Variants in DNPH1 observed in about 807,000 individuals in gnomAD.
DNPH1 encodes the protein 2'-deoxynucleoside 5'-phosphate N-hydrolase 1.
In DNPH1, 18 loss-of-function variants were observed where a neutral mutation model predicts 15.7. The ratio of observed to expected loss-of-function variants is 1.15; its 90% CI spans 0.79 to 1.70. DNPH1 has a LOEUF of 1.70. Among genes scored for constraint, DNPH1 ranks in the 40% most tolerant of loss-of-function variants. The pLI is 0.00. For synonymous variants in DNPH1, 114 were observed against 107.9 expected (o/e 1.06, Z -0.35); for missense variants, 262 against 255.2 (o/e 1.03, Z -0.18).
Position 43,226,491 on chromosome 6 carries a change from G to GTA in DNPH1, c.197-97_197-96insTA. On this transcript the variant is annotated intron_variant, in intron 1 of 3. Transcript: ENST00000230431. This position sits in a 1 kb window ranked among gnomAD's most constrained non-coding sequence, Gnocchi z 4.1. ...TCCATACCCACCCTGCTCAGGGAGG[G>GTA]TGGGAGCCTTGTGCCAGATGACCTG... 4 of 1,157,876 alleles carry GTA rather than the reference G, an allele frequency of 3.5e-6. No individual in the cohort carries two copies. The highest frequency in any genetic ancestry group is 4.8e-6 in the Non-Finnish European group (4 of 835,550). The allele number at this position is 1,157,876 out of a possible 1,614,324, so 71.7% of individuals were successfully genotyped here.
intron 1 of DNPH1, among the ~76,000 whole-genome samples, chr6:43,228,856 T>C (rs531197893): frequency 4.0e-5 from 6 of 151,462 alleles, no homozygotes; most frequent in Non-Finnish European, 8.8e-5. Flanking sequence ...CAAAAAAAGT[T>C]GGTGGGGAGG....
Position 43,229,391 on chromosome 6 carries a change from G to A in DNPH1, c.66C>T (p.Ala22=). ...SWERGEPGRP[A]LYFCGSIRGG... ...CGCGAATGCTCCCGCAGAAGTACAG[G>A]GCCGGGCGGCCAGGCTCCCCGCGCT... The change falls in exon 1 of 4, where the codon GCC becomes GCT. Residue 22 remains alanine, a synonymous_variant. Transcript: ENST00000230431. 2.8e-6 allele frequency: 4 copies of A among 1,454,254 alleles called. No individual in the cohort carries two copies. The highest frequency in any genetic ancestry group is 3.6e-6 in the Non-Finnish European group (4 of 1,101,780). 90.1% of individuals were successfully genotyped at this position (1,454,254 alleles called of 1,614,324 possible). A position where few individuals can be genotyped will look rare whatever the true frequency, so the allele number is the denominator to read the frequency against.
rs758848912 is a variant in DNPH1 at position 43,226,328 on chromosome 6, G to C, written c.264C>G (p.Asp88Glu). Residue 88 changes from aspartate to glutamate, a missense_variant and splice_region_variant, in exon 2 of 4, where the codon GAC becomes GAG. Coordinates refer to ENST00000230431, the MANE Select transcript of DNPH1 (RefSeq NM_006443.3). The surrounding 1 kb of genome is among the most constrained non-coding windows in gnomAD (Gnocchi z 4.1). ...EQDLEWLQQA[D>E]VVVAEVTQPS... Reference sequence around the variant, plus strand: ...CTGGAAGGAGGGAGCGCCACTCACCGTCCGCCTGCTGCAGCCACTCCAGGT... The same window carrying C: ...CTGGAAGGAGGGAGCGCCACTCACCCTCCGCCTGCTGCAGCCACTCCAGGT... 1.2e-6 allele frequency: 2 copies of C among 1,612,152 alleles called. No individual in the cohort carries two copies. Among genetic ancestry groups the C allele is most frequent in the Non-Finnish European group, 1.7e-6 (2 of 1,179,780 alleles).
chr6:43,229,414 G>T lies in DNPH1; in HGVS notation c.43C>A (p.Arg15Ser). ...AGGGCCGGGCGGCCAGGCTCCCCGCGCTCCCAGCTCTCGCTGCGCCCCGGC... is the reference window on the plus strand; with the variant it reads ...AGGGCCGGGCGGCCAGGCTCCCCGCTCTCCCAGCTCTCGCTGCGCCCCGGC... ...MVPGRSESWE[R>S]GEPGRPALYF... The change falls in exon 1 of 4, where the codon CGC becomes AGC. Residue 15 changes from arginine to serine, a missense_variant. Arg to Ser is a moderately radical substitution (Grantham distance 110, BLOSUM62 -1). Coordinates refer to ENST00000230431, the MANE Select transcript of DNPH1 (RefSeq NM_006443.3). 1 of 1,418,302 alleles carries T rather than the reference G, an allele frequency of 7.1e-7. No homozygotes were observed. Among genetic ancestry groups the T allele is most frequent in the Admixed American group, 2.6e-5 (1 of 37,944 alleles). 87.9% of individuals were successfully genotyped at this position (1,418,302 alleles called of 1,614,324 possible).
In DNPH1 at chr6:43,226,516, G is replaced by C; in HGVS notation, c.197-121C>G. 1.3e-6 allele frequency: 1 copy of C among 773,610 alleles called. No homozygotes were observed. Among genetic ancestry groups the C allele is most frequent in the Non-Finnish European group, 2.0e-6 (1 of 494,422 alleles). 47.9% of individuals were successfully genotyped at this position (773,610 alleles called of 1,614,324 possible). The stretch of plus-strand genomic sequence containing the variant: ...GTGGGAGCCTTGTGCCAGATGACCT[G>C]ACCAAACATGACAATCTCATCAAAG... On this transcript the variant is annotated intron_variant, in intron 1 of 3. Coordinates refer to ENST00000230431, the MANE Select transcript of DNPH1 (RefSeq NM_006443.3). The surrounding 1 kb of genome is among the most constrained non-coding windows in gnomAD (Gnocchi z 4.1).
At position 43,226,389 on chromosome 6, in the gene DNPH1, T is replaced by A; in HGVS notation, c.203A>T (p.Glu68Val). Reference protein sequence around the residue: ...AAAELGARGEEAAGGDRLIHE... With the variant: ...AAAELGARGEVAAGGDRLIHE... ...GATGAGCCTGTCACCCCCAGCAGCC[T>A]CTTCCCCTGTGTTGAGGGAAAGCTG... Residue 68 changes from glutamate to valine, a missense_variant, in exon 2 of 4, where the codon GAG becomes GTG. Physicochemically the swap from Glu to Val is moderately radical, Grantham distance 121. Transcript: ENST00000230431. The surrounding 1 kb of genome is among the most constrained non-coding windows in gnomAD (Gnocchi z 4.1). 6.2e-7 allele frequency: 1 copy of A among 1,612,160 alleles called. No homozygotes were observed. The highest frequency in any genetic ancestry group is 2.2e-5 in the East Asian group (1 of 44,868).
intron 1 of DNPH1, among the ~76,000 whole-genome samples, chr6:43,227,605 T>C (rs958096715): frequency 2.6e-5 from 4 of 151,840 alleles, no homozygotes; most frequent in Non-Finnish European, 5.9e-5. Flanking sequence ...ATCAGCAACT[T>C]TGTATTGTGA....
At chr6:43,228,372 A>C (rs894049425) in intron 1 of DNPH1, among the ~76,000 whole-genome samples, 2 of 151,936 alleles carry the variant, frequency 1.3e-5, no homozygotes, top group Admixed American at 6.6e-5. Context: ...GAGGATCATG[A>C]GTTTAGGAAG....
In DNPH1 at chr6:43,229,262, G is replaced by A; in HGVS notation, c.195C>T (p.Arg65=). Residue 65 remains arginine (R), a splice_region_variant and synonymous_variant, in exon 1 of 4, where the codon CGC becomes CGT. Transcript: ENST00000230431. ...CGTCCCGCGGCCCCAGGGCCTCACC[G>A]CGCGCGCCCAGCTCGGCGGCCGCCA... ...EHVAAAELGA[R]GEEAAGGDRL... is the part of the protein sequence containing the mutation. The A allele has an allele frequency of 7.0e-7, 1 of 1,418,462 alleles. No homozygotes were observed. The highest frequency in any genetic ancestry group is 9.2e-7 in the Non-Finnish European group (1 of 1,084,614). The allele number at this position is 1,418,462 out of a possible 1,614,324, so 87.9% of individuals were successfully genotyped here.
rs974792722 is a variant in DNPH1, at chr6:43,229,479, G to A, written c.-23C>T. ...CATTCCCCAGCCGCCCGCGCTCTCC[G>A]GCGCCAGGGGGCGCCAGCCCGCGGC... On this transcript the variant is annotated 5_prime_UTR_variant, in exon 1 of 4. Transcript: ENST00000230431. 9.4e-6 allele frequency: 12 copies of A among 1,281,564 alleles called. No homozygotes were observed. In the Admixed American group the frequency reaches 1.3e-4, roughly 14 times the overall value. 79.4% of individuals were successfully genotyped at this position (1,281,564 alleles called of 1,614,324 possible).
Position 43,226,032 on chromosome 6 carries a change from C to T in DNPH1, c.376+1G>A. The T allele has an allele frequency of 6.2e-7, 1 of 1,613,770 alleles. No individual in the cohort carries two copies. The highest frequency in any genetic ancestry group is 8.5e-7 in the Non-Finnish European group (1 of 1,179,878). On this transcript the variant is annotated splice_donor_variant, in intron 3 of 3. Coordinates refer to ENST00000230431, the MANE Select transcript of DNPH1 (RefSeq NM_006443.3). LOFTEE classifies it high-confidence loss of function. This position sits in a 1 kb window ranked among gnomAD's most constrained non-coding sequence, Gnocchi z 4.1. Reference sequence around the variant, plus strand: ...CCAGGAGGGAGGCTTGGGGTGCTCACCGCGGCCAGACTGCGGGCGGAACAG... The same window carrying T: ...CCAGGAGGGAGGCTTGGGGTGCTCATCGCGGCCAGACTGCGGGCGGAACAG...
Position 43,225,854 on chromosome 6 carries a change from G to A in DNPH1, c.404C>T (p.Ala135Val), listed in dbSNP as rs771482263. ...CCACACCTGGAACCGAGAGCCATCTGCTGCTCCCCGGATCATGGCCGAAAG... is the reference window on the plus strand; with the variant it reads ...CCACACCTGGAACCGAGAGCCATCTACTGCTCCCCGGATCATGGCCGAAAG... ...RVLSAMIRGAADGSRFQVWDY... is the reference protein window; with the variant it reads ...RVLSAMIRGAVDGSRFQVWDY... The change falls in exon 4 of 4, where the codon GCA (alanine) becomes GTA (valine). Residue 135 changes from alanine to valine, a missense_variant. Ala to Val is a moderately conservative substitution (Grantham distance 64). Coordinates refer to ENST00000230431, the MANE Select transcript of DNPH1 (RefSeq NM_006443.3). 1 of 1,614,172 alleles carries A rather than the reference G, an allele frequency of 6.2e-7. No homozygotes were observed. Among genetic ancestry groups the A allele is most frequent in the South Asian group, 1.1e-5 (1 of 91,086 alleles).
chr6:43,225,865 G>A lies in DNPH1; in HGVS notation c.393C>T (p.Ile131=), dbSNP rs2150668359. The change falls in exon 4 of 4, where the codon ATC becomes ATT. Residue 131 remains isoleucine (I), a synonymous_variant. Transcript: ENST00000230431. The stretch of plus-strand genomic sequence containing the variant: ...ACCGAGAGCCATCTGCTGCTCCCCG[G>A]ATCATGGCCGAAAGCACTGGAAAGG... The part of the protein sequence containing the change: ...PQSGRVLSAM[I]RGAADGSRFQ... 1 of 1,614,122 alleles carries A rather than the reference G, an allele frequency of 6.2e-7. No homozygotes were observed. Among genetic ancestry groups the A allele is most frequent in the Non-Finnish European group, 8.5e-7 (1 of 1,180,026 alleles).
intron 1 of DNPH1, among the ~76,000 whole-genome samples, chr6:43,227,636 T>A (rs188231505): frequency 2.6e-5 from 4 of 151,866 alleles, no homozygotes; most frequent in African/African-American, 7.3e-5. Flanking sequence ...TTTAAAGAGG[T>A]CTCCCAGAAT....
In DNPH1 at chr6:43,225,858, C is replaced by T. The variant is rs139361765; in HGVS notation, c.400G>A (p.Ala134Thr). ...GRVLSAMIRG[A>T]ADGSRFQVWD... ...ACCTGGAACCGAGAGCCATCTGCTG[C>T]TCCCCGGATCATGGCCGAAAGCACT... The change falls in exon 4 of 4, where the codon GCA (alanine) becomes ACA (threonine). Residue 134 changes from alanine (A) to threonine (T), a missense_variant. Transcript: ENST00000230431. 49 of 1,614,196 alleles carry T rather than the reference C, an allele frequency of 3.0e-5. No homozygotes were observed. In the African/African-American group the frequency reaches 5.5e-4, roughly 18 times the overall value.
Position 43,226,495 on chromosome 6 carries a change from G to GT in DNPH1, c.197-101_197-100insA. On this transcript the variant is annotated intron_variant, in intron 1 of 3. Transcript: ENST00000230431. This position sits in a 1 kb window ranked among gnomAD's most constrained non-coding sequence, Gnocchi z 4.1. ...TACCCACCCTGCTCAGGGAGGGTGG[G>GT]AGCCTTGTGCCAGATGACCTGACCA... is the stretch of plus-strand genomic sequence containing the variant. 1 of 1,096,962 alleles carries GT rather than the reference G, an allele frequency of 9.1e-7. No individual in the cohort carries two copies. The highest frequency in any genetic ancestry group is 1.3e-6 in the Non-Finnish European group (1 of 781,604). The allele number at this position is 1,096,962 out of a possible 1,614,324, so 68.0% of individuals were successfully genotyped here. A position where few individuals can be genotyped will look rare whatever the true frequency, so the allele number is the denominator to read the frequency against.
chr6:43,229,209 C>T (rs1262297322), intron 1 of DNPH1, 52 bp downstream of exon 1: 36 of 1,293,204 alleles, frequency 2.8e-5, no homozygotes, highest in Non-Finnish European at 3.4e-5. Flanking sequence ...TCCCTGCCAC[C>T]CCAGCCAGGT....
chr6:43,228,299 A>T (rs1009417636), intron 1 of DNPH1, among the ~76,000 whole-genome samples: 5 of 151,716 alleles, frequency 3.3e-5, no homozygotes, highest in Non-Finnish European at 7.4e-5. Flanking sequence ...TCTCTACAGA[A>T]AAATTTTGAG....
chr6:43,229,076 C>A, intron 1 of DNPH1, 185 bp downstream of exon 1: 1 of 581,396 alleles, frequency 1.7e-6, no homozygotes, highest in Non-Finnish European at 3.0e-6. Flanking sequence ...GGGACCCACG[C>A]AGCCCGAGCC....
Sources: allele counts gnomAD v4.1 joint callset (sites outside exome capture counted in the v4.1 genomes callset), GRCh38; gene constraint gnomAD v4.1.1; non-coding constraint Gnocchi (gnomAD v3.1); transcripts MANE v1.5; gene names NCBI Gene and HGNC (gene_info 2026-07-23, HGNC 2026-07-21).